The following ANO1 variants were observed in gnomAD, a reference collection of about 807,000 sequenced individuals.
ANO1 encodes anoctamin 1, also known as anoctamin-1.
ANO1 carries 59 observed loss-of-function variants against 124.0 expected under a neutral mutation model. The observed-to-expected ratio is 0.48, with a 90% CI of 0.39 to 0.59. ANO1 has a LOEUF of 0.59. Ranked by LOEUF, ANO1 falls within the 20% of genes least tolerant of loss-of-function variation. The pLI is 0.00. For synonymous variants in ANO1, 529 were observed against 532.0 expected, an observed-to-expected ratio of 0.99 and a Z score of 0.08; for missense variants, 1,059 against 1,328.0, an observed-to-expected ratio of 0.80 and a Z score of 3.15.
chr11:70,090,781 C>T (rs2044595422), intron 2 of ANO1, among the ~76,000 whole-genome samples: 1 of 152,228 alleles, frequency 6.6e-6, no homozygotes, highest in Admixed American at 6.5e-5. Context: ...ATGACCCCAA[C>T]TTTTCACTGG....
chr11:70,121,080 C>T (rs1289845918), intron 8 of ANO1, among the ~76,000 whole-genome samples: 3 of 152,158 alleles, frequency 2.0e-5, no homozygotes, highest in South Asian at 2.1e-4. Context: ...CCCCTCCACA[C>T]GTCTGTCAGA....
At chr11:70,073,676 A>T (rs1241520263), upstream of ANO1, among the ~76,000 whole-genome samples, 5 of 152,178 alleles carry the variant, frequency 3.3e-5, no homozygotes, top group African/African-American at 1.2e-4. Flanking sequence ...TACCAGGAGG[A>T]GGTGGCCTAG....
chr11:70,164,614 G>T (rs1590898169), intron 19 of ANO1, among the ~76,000 whole-genome samples: 1 of 152,188 alleles, frequency 6.6e-6, no homozygotes, highest in Non-Finnish European at 1.5e-5. Context: ...TGCCTCAGGG[G>T]TCACCATGCA....
At chr11:70,012,000 TTCCA>T (rs201200119) in intron 1 of ANO1, among the ~76,000 whole-genome samples, 4 of 150,514 alleles carry the variant, frequency 2.7e-5, no homozygotes, top group African/African-American at 9.8e-5. Flanking sequence ...CCATCCATCT[TTCCA>T]TCCATCCATC....
intron 20 of ANO1, 76 bp from the exon 21 acceptor site, chr11:70,167,166 A>C (rs181374083): frequency 9.8e-6 from 15 of 1,534,210 alleles, no homozygotes; most frequent in Non-Finnish European, 1.1e-5. Context: ...AAAAAGACAC[A>C]TCACTAGAGG....
chr11:70,103,448 C>T (rs918647686), intron 3 of ANO1, among the ~76,000 whole-genome samples: 4 of 152,084 alleles, frequency 2.6e-5, no homozygotes, highest in African/African-American at 7.2e-5. Context: ...CCTCTCGGCC[C>T]CCGGGGAATT....
At chr11:70,003,878 G>A (rs1306602774) in intron 1 of ANO1, among the ~76,000 whole-genome samples, 2 of 152,156 alleles carry the variant, frequency 1.3e-5, no homozygotes, top group Non-Finnish European at 2.9e-5. Flanking sequence ...ACAGGGAATA[G>A]TGTGAGGCTG....
chr11:70,032,862 T>G (rs1238117912), intron 1 of ANO1, among the ~76,000 whole-genome samples: 6 of 145,404 alleles, frequency 4.1e-5, no homozygotes, highest in African/African-American at 7.6e-5. Flanking sequence ...AGTAGAAGGG[T>G]GGATGGAGGG....
intron 18 of ANO1, among the ~76,000 whole-genome samples, 177 bp downstream of exon 18, chr11:70,161,910 C>A (rs970961456): frequency 5.3e-5 from 8 of 152,180 alleles, no homozygotes; most frequent in African/African-American, 9.6e-5. Flanking sequence ...AGCAGCGGGA[C>A]CCTGGGCAGC....
intron 1 of ANO1, among the ~76,000 whole-genome samples, chr11:70,007,659 C>CTAGT (rs1246393070): frequency 6.6e-6 from 1 of 152,214 alleles, no homozygotes; most frequent in Non-Finnish European, 1.5e-5. Context: ...CAGCTGATGA[C>CTAGT]TAGTTAGGTT....
intron 1 of ANO1, among the ~76,000 whole-genome samples, chr11:70,021,437 G>T (rs1304777101): frequency 6.7e-6 from 1 of 150,048 alleles, no homozygotes; most frequent in Non-Finnish European, 1.5e-5. Flanking sequence ...ACCAACTTCA[G>T]TTTTTAGAAT....
chr11:70,114,436 T>G (rs948384544), intron 7 of ANO1, among the ~76,000 whole-genome samples: 1 of 152,214 alleles, frequency 6.6e-6, no homozygotes, highest in Admixed American at 6.5e-5. Flanking sequence ...GAATACTGAC[T>G]GCAGGGAAGT....
At chr11:69,984,139 G>A (rs894587613), upstream of ANO1, among the ~76,000 whole-genome samples, 9 of 152,118 alleles carry the variant, frequency 5.9e-5, no homozygotes, top group Admixed American at 6.5e-5. Context: ...TTGGCTATCA[G>A]ACCCTTCCAA....
At chr11:70,042,507 T>C (rs1431768627) in intron 1 of ANO1, among the ~76,000 whole-genome samples, 3 of 150,124 alleles carry the variant, frequency 2.0e-5, no homozygotes, top group Non-Finnish European at 4.4e-5. Context: ...CACACATACA[T>C]ATACACAGAG....
intron 14 of ANO1, among the ~76,000 whole-genome samples, chr11:70,153,559 G>C (rs940877754): frequency 1.3e-5 from 2 of 152,192 alleles, no homozygotes; most frequent in African/African-American, 4.8e-5. Context: ...TGCCAAACCA[G>C]CACCCCTGAG....
Position 70,161,190 on chromosome 11 carries a change from C to A in ANO1, c.1608C>A (p.Gly536=). 1 of 1,613,904 alleles carries A rather than the reference C, an allele frequency of 6.2e-7. No homozygotes were observed. Among genetic ancestry groups the A allele is most frequent in the Non-Finnish European group, 8.5e-7 (1 of 1,179,894 alleles). ...MIAVTFAIVL[G]VIIYRISMAA... Reference sequence around the variant, plus strand: ...CAGTGACGTTTGCCATCGTCCTCGGCGTCATCATCTACAGAATCTCCATGG... The same window carrying A: ...CAGTGACGTTTGCCATCGTCCTCGGAGTCATCATCTACAGAATCTCCATGG... Residue 536 remains glycine (G), a synonymous_variant, in exon 17 of 26, where the codon GGC becomes GGA. Coordinates refer to ENST00000355303, the MANE Select transcript of ANO1 (RefSeq NM_018043.7).
At chr11:70,155,778 G>A (rs2047786736) in intron 14 of ANO1, 133 bp from the exon 15 acceptor site, 1 of 732,062 alleles carries the variant, frequency 1.4e-6, no homozygotes, top group Non-Finnish European at 2.2e-6. Context: ...GTCAGCCTTG[G>A]CAGTGAGCTT....
intron 1 of ANO1, among the ~76,000 whole-genome samples, chr11:70,009,769 G>A (rs1198378866): frequency 1.3e-5 from 2 of 152,042 alleles, no homozygotes; most frequent in African/African-American, 4.8e-5. Context: ...GAGGTGTTGG[G>A]CTCTTTTTAA....
rs767935012 is a variant in ANO1, at chr11:70,125,760, C to T, written c.963-301C>T. 5.3e-5 allele frequency among the ~76,000 whole-genome samples: 8 copies of T among 150,252 alleles called. No homozygotes were observed. In the East Asian group the frequency reaches 9.9e-4, roughly 19 times the overall value. ...TCGGGAGGCTGAGGCAGGAGAATGG[C>T]GTGAACGCGGGAGGTGGAGCTTGCA... On this transcript the variant is annotated intron_variant, in intron 9 of 25. Transcript: ENST00000355303.
Sources: gnomAD v4.1 joint callset for allele counts (sites outside exome capture counted in the v4.1 genomes callset) on GRCh38, gnomAD v4.1.1 for gene constraint, MANE v1.5 for transcripts, NCBI Gene and HGNC (gene_info 2026-07-23, HGNC 2026-07-21) for gene names.